HIPK2: variants seen among roughly 807,000 people sequenced by gnomAD.
HIPK2 encodes the protein homeodomain-interacting protein kinase 2.
A neutral mutation model predicts 113.7 loss-of-function variants in HIPK2; 27 were observed. The ratio of observed to expected loss-of-function variants is 0.24; its 90% CI spans 0.17 to 0.33. HIPK2 has a LOEUF of 0.33. HIPK2 is among the 10% of genes least tolerant of loss of function. HIPK2 has a pLI of 1.00. For synonymous variants in HIPK2, 631 were observed against 642.2 expected, an observed-to-expected ratio of 0.98 and a Z score of 0.26; for missense variants, 1,257 against 1,588.0, an observed-to-expected ratio of 0.79 and a Z score of 3.54.
intron 12 of HIPK2, among the ~76,000 whole-genome samples, chr7:139,591,935 C>G (rs1215093142): frequency 1.3e-5 from 2 of 152,236 alleles, no homozygotes; most frequent in Non-Finnish European, 2.9e-5. Flanking sequence ...GCAATGGAGG[C>G]TAATCCCACT....
intron 2 of HIPK2, among the ~76,000 whole-genome samples, chr7:139,667,095 CACTCTA>C (rs956120404): frequency 3.0e-4 from 46 of 151,884 alleles, no homozygotes; most frequent in African/African-American, 7.0e-4. Context: ...AAAAACTCCA[CACTCTA>C]ACTCTAACAC....
chr7:139,757,172 T>C (rs1297299457), intron 1 of HIPK2, among the ~76,000 whole-genome samples: 1 of 152,178 alleles, frequency 6.6e-6, no homozygotes, highest in Non-Finnish European at 1.5e-5. Context: ...TTCGTTTTAA[T>C]GTAAGAAAAA....
chr7:139,745,815 AG>A (rs1177825064), intron 1 of HIPK2, among the ~76,000 whole-genome samples: 1 of 152,192 alleles, frequency 6.6e-6, no homozygotes, highest in Non-Finnish European at 1.5e-5. Context: ...GCTCACTGCA[AG>A]CATTGTCCTG....
chr7:139,604,145 A>C lies in HIPK2; in HGVS notation c.2191T>G (p.Ser731Ala). The C allele has an allele frequency of 6.2e-7, 1 of 1,613,936 alleles. No homozygotes were observed. Among genetic ancestry groups the C allele is most frequent in the Non-Finnish European group, 8.5e-7 (1 of 1,179,888 alleles). ...QQLTGVATHT[S>A]VQHATVIPET... ...GGAATCACGGTGGCATGCTGCACTG[A>C]TGTGTGGGTGGCCACTCCAGTCAGT... The change falls in exon 10 of 15, where the codon TCA becomes GCA. Residue 731 changes from serine (S) to alanine (A), a missense_variant. By Grantham distance (99) the Ser-to-Ala change is moderately conservative. Around this residue, in one of 5 missense-constraint regions of HIPK2, gnomAD observed 862 missense variants for 1,004.3 expected, o/e 0.86. Coordinates refer to ENST00000406875, the MANE Select transcript of HIPK2 (RefSeq NM_022740.5).
intron 1 of HIPK2, among the ~76,000 whole-genome samples, chr7:139,761,760 C>T (rs917120680): frequency 6.6e-6 from 1 of 152,022 alleles, no homozygotes; most frequent in Non-Finnish European, 1.5e-5. Flanking sequence ...TTATGGAAAT[C>T]GGAATAGAAA....
At position 139,565,836 on chromosome 7, in the gene HIPK2, C is replaced by A. The variant is rs1392775312; in HGVS notation, c.*7091G>T. On this transcript the variant is annotated 3_prime_UTR_variant, in exon 15 of 15. Coordinates refer to ENST00000406875, the MANE Select transcript of HIPK2 (RefSeq NM_022740.5). ...TTCTGCCCAGAGCTGAAGAGTGAAT[C>A]TATTACAGAGATCAGAGCTGTCAGG... 6.6e-6 allele frequency: 1 copy of A among 151,246 alleles called. No homozygotes were observed. Among genetic ancestry groups the A allele is most frequent in the Non-Finnish European group, 1.5e-5 (1 of 67,962 alleles). 9.4% of individuals were successfully genotyped at this position (151,246 alleles called of 1,614,324 possible).
chr7:139,583,513 G>T, intron 13 of HIPK2: 1 of 314,054 alleles, frequency 3.2e-6, no homozygotes, highest in Non-Finnish European at 6.0e-6. Flanking sequence ...TATTCTTCCA[G>T]GCTCAGGCAT....
intron 2 of HIPK2, among the ~76,000 whole-genome samples, chr7:139,704,511 CACACACCCCA>C (rs1794832432): frequency 6.6e-6 from 1 of 151,238 alleles, no homozygotes; most frequent in East Asian, 1.9e-4. Flanking sequence ...CCAACACACA[CACACACCCCA>C]ACACACCCCC....
In HIPK2 at chr7:139,563,842, T is replaced by C. The variant is rs1327938156; in HGVS notation, c.*9085A>G. ...GTGTTTTGCAGTTTTCAAGGTCTTATCTGCTAAAGGAATGCCCTTTAGGTC... is the reference window on the plus strand; with the variant it reads ...GTGTTTTGCAGTTTTCAAGGTCTTACCTGCTAAAGGAATGCCCTTTAGGTC... On this transcript the variant is annotated 3_prime_UTR_variant, in exon 15 of 15. Coordinates refer to ENST00000406875, the MANE Select transcript of HIPK2 (RefSeq NM_022740.5). The C allele has an allele frequency of 1.0e-5, 4 of 398,514 alleles. No individual in the cohort carries two copies. The highest frequency in any genetic ancestry group is 1.8e-5 in the Non-Finnish European group (4 of 226,068). 24.7% of individuals were successfully genotyped at this position (398,514 alleles called of 1,614,324 possible).
intron 2 of HIPK2, among the ~76,000 whole-genome samples, chr7:139,637,578 C>T (rs966367876): frequency 2.0e-5 from 3 of 152,156 alleles, no homozygotes; most frequent in Admixed American, 6.5e-5. Flanking sequence ...TCCCTTGACA[C>T]CAGTTAGTCT....
Position 139,770,607 on chromosome 7 carries a change from G to A in HIPK2, c.19+6998C>T, listed in dbSNP as rs1281981246. 2.0e-5 allele frequency among the ~76,000 whole-genome samples: 3 copies of A among 152,220 alleles called. No homozygotes were observed. The East Asian group carries it at 5.8e-4, about 29-fold the overall frequency. ...GCTTTCGTAGTCAATGTCATGGAAG[G>A]TTCTATGGTGATCTCTCACTGCGGA... is the stretch of plus-strand genomic sequence containing the variant. On this transcript the variant is annotated intron_variant, in intron 1 of 14. Coordinates refer to ENST00000406875, the MANE Select transcript of HIPK2 (RefSeq NM_022740.5).
intron 2 of HIPK2, among the ~76,000 whole-genome samples, chr7:139,633,095 C>CAAAAAAAAAAAAAAAAAAAAA (rs942820284): frequency 1.3e-5 from 1 of 74,610 alleles, no homozygotes; most frequent in East Asian, 5.7e-4. Flanking sequence ...GACCCTGTCT[C>CAAAAAAAAAAAAAAAAAAAAA]AAAAAAAAAA....
In HIPK2 at chr7:139,589,401, AT is replaced by A. The variant is rs1322046286; in HGVS notation, c.2718-5338del. 1.5e-3 allele frequency among the ~76,000 whole-genome samples: 205 copies of A among 136,624 alleles called. 1 individual carries two copies. Among genetic ancestry groups the A allele is most frequent in the African/African-American group, 6.5e-3 (198 of 30,420 alleles). 89.6% of individuals were successfully genotyped at this position (136,624 alleles called of 152,430 possible). The stretch of plus-strand genomic sequence containing the variant: ...GATCTGAGTAGTTTAGAAAATGAGC[AT>A]TTAAAAAAAAAAAAAACAACAAAAA... On this transcript the variant is annotated intron_variant, in intron 12 of 14. Transcript: ENST00000406875.
intron 1 of HIPK2, among the ~76,000 whole-genome samples, chr7:139,760,770 A>T (rs1005289984): frequency 6.6e-6 from 1 of 152,214 alleles, no homozygotes; most frequent in Admixed American, 6.5e-5. Context: ...AGCTTTGTCC[A>T]CTGAAGTTCT....
chr7:139,752,635 G>A (rs527513486), intron 1 of HIPK2, among the ~76,000 whole-genome samples: 8 of 150,142 alleles, frequency 5.3e-5, no homozygotes, highest in South Asian at 4.2e-4. Context: ...TTGAGGACAC[G>A]ATTCTCCAAA....
rs1175413803 is a variant in HIPK2 at position 139,614,493 on chromosome 7, C to G, written c.1783G>C (p.Ala595Pro). 1 of 1,379,520 alleles carries G rather than the reference C, an allele frequency of 7.2e-7. No homozygotes were observed. The highest frequency in any genetic ancestry group is 9.5e-7 in the Non-Finnish European group (1 of 1,054,138). The allele number at this position is 1,379,520 out of a possible 1,614,324, so 85.5% of individuals were successfully genotyped here. A position where few individuals can be genotyped will look rare whatever the true frequency, so the allele number is the denominator to read the frequency against. Residue 595 changes from alanine (A) to proline (P), a missense_variant and splice_region_variant, in exon 8 of 15, where the codon GCT becomes CCT. Ala to Pro is a conservative substitution (Grantham distance 27, BLOSUM62 -1). This residue lies in a region of HIPK2 where 862 missense variants were observed against 1,004.3 expected (regional missense o/e 0.86). Coordinates refer to ENST00000406875, the MANE Select transcript of HIPK2 (RefSeq NM_022740.5). Reference sequence around the variant, plus strand: ...ATAGTGGCACTGGTAGAGGAGGGAGCCTAAAGGAGTGATGGGGATTAAACA... The same window carrying G: ...ATAGTGGCACTGGTAGAGGAGGGAGGCTAAAGGAGTGATGGGGATTAAACA... Reference protein sequence around the residue: ...NNQLTTVHNQAPSSTSATISL... With the variant: ...NNQLTTVHNQPPSSTSATISL...
At chr7:139,640,303 G>A (rs1021752737) in intron 2 of HIPK2, among the ~76,000 whole-genome samples, 4 of 152,110 alleles carry the variant, frequency 2.6e-5, no homozygotes, top group East Asian at 1.9e-4. Context: ...AGCTCCACTC[G>A]CTCTCTTGAC....
Position 139,771,913 on chromosome 7 carries a change from C to T in HIPK2, c.19+5692G>A, listed in dbSNP as rs143971297. On this transcript the variant is annotated intron_variant, in intron 1 of 14. Transcript: ENST00000406875. ...GAAAACAAGTTTGAATGACAGCAGGCGAGATTTCAGCCAGGCCCAGGAATT... is the reference window on the plus strand; with the variant it reads ...GAAAACAAGTTTGAATGACAGCAGGTGAGATTTCAGCCAGGCCCAGGAATT... Among the ~76,000 whole-genome samples the T allele has an allele frequency of 1.3e-4, 20 of 152,212 alleles. No individual in the cohort carries two copies. In the East Asian group the frequency reaches 2.1e-3, roughly 16 times the overall value.
chr7:139,721,446 T>A (rs570537111), intron 1 of HIPK2, among the ~76,000 whole-genome samples: 1 of 152,322 alleles, frequency 6.6e-6, no homozygotes, highest in East Asian at 1.9e-4. Flanking sequence ...AACGTATTAC[T>A]TCTCTATTTA....
Sources: gnomAD v4.1 joint callset for allele counts (sites outside exome capture counted in the v4.1 genomes callset) on GRCh38, gnomAD v4.1.1 for gene constraint, gnomAD v4.1.1 regional missense constraint, MANE v1.5 for transcripts, NCBI Gene and HGNC (gene_info 2026-07-23, HGNC 2026-07-21) for gene names.